Variants in EPHA8 observed in about 807,000 individuals in gnomAD.
EPHA8 encodes ephrin type-A receptor 8.
Under a neutral mutation model 103.6 loss-of-function variants are expected in EPHA8, and 58 were observed. The ratio of observed to expected loss-of-function variants is 0.56; its 90% CI spans 0.45 to 0.70. The LOEUF is 0.70. Ranked by LOEUF, EPHA8 falls within the 30% of genes least tolerant of loss-of-function variation. The pLI is 0.00. For missense variants in EPHA8, 1,304 were observed against 1,395.2 expected, an observed-to-expected ratio of 0.93 and a Z score of 1.04; for synonymous variants, 559 against 572.5, an observed-to-expected ratio of 0.98 and a Z score of 0.34.
At position 22,601,956 on chromosome 1, in the gene EPHA8, G is replaced by A. The variant is rs890224697; in HGVS notation, c.*215G>A. The A allele has an allele frequency of 2.4e-5, 14 of 592,366 alleles. 1 individual carries two copies. The highest frequency in any genetic ancestry group is 2.3e-5 in the Non-Finnish European group (8 of 340,626). The allele number at this position is 592,366 out of a possible 1,614,324, so 36.7% of individuals were successfully genotyped here. On this transcript the variant is annotated 3_prime_UTR_variant, in exon 17 of 17. Coordinates refer to ENST00000166244, the MANE Select transcript of EPHA8 (RefSeq NM_020526.5). Reference sequence around the variant, plus strand: ...GGTGGCCACCCTGGTGAGGACACCTGTCCCCCAGGGCAGGCACCTTCTCTT... The same window carrying A: ...GGTGGCCACCCTGGTGAGGACACCTATCCCCCAGGGCAGGCACCTTCTCTT...
At position 22,601,804 on chromosome 1, in the gene EPHA8, A is replaced by T; in HGVS notation, c.*63A>T. On this transcript the variant is annotated 3_prime_UTR_variant, in exon 17 of 17. Transcript: ENST00000166244. ...CCCCAGGTCATGCCAGCGGCAGAGGACGTGAGGGGCTGGCAGCAGGCAGGG... is the reference window on the plus strand; with the variant it reads ...CCCCAGGTCATGCCAGCGGCAGAGGTCGTGAGGGGCTGGCAGCAGGCAGGG... The T allele has an allele frequency of 6.8e-7, 1 of 1,464,730 alleles. No individual in the cohort carries two copies. The highest frequency in any genetic ancestry group is 9.3e-7 in the Non-Finnish European group (1 of 1,078,688). 90.7% of individuals were successfully genotyped at this position (1,464,730 alleles called of 1,614,324 possible).
At position 22,597,875 on chromosome 1, in the gene EPHA8, A is replaced by G. The variant is rs1183115746; in HGVS notation, c.2116+14A>G. ...TCGTCACCCGTGGTAGGTGCCGGGCAAAGACAGCCTCCCCCTGCAGTGCCC... is the reference window on the plus strand; with the variant it reads ...TCGTCACCCGTGGTAGGTGCCGGGCGAAGACAGCCTCCCCCTGCAGTGCCC... On this transcript the variant is annotated intron_variant, in intron 11 of 16. Coordinates refer to ENST00000166244, the MANE Select transcript of EPHA8 (RefSeq NM_020526.5). The surrounding 1 kb of genome is among the most constrained non-coding windows in gnomAD (Gnocchi z 4.6). 4 of 1,598,804 alleles carry G rather than the reference A, an allele frequency of 2.5e-6. No individual in the cohort carries two copies. The highest frequency in any genetic ancestry group is 2.6e-6 in the Non-Finnish European group (3 of 1,171,742).
Position 22,600,891 on chromosome 1 carries a change from C to T in EPHA8, c.2539-7C>T, listed in dbSNP as rs551727429. The T allele has an allele frequency of 1.8e-5, 29 of 1,600,444 alleles. 1 individual carries two copies. The Admixed American group carries it at 4.4e-4, about 24-fold the overall frequency. ...GGACGGCTGAGCCCAGCGCTGATCC[C>T]CTGCAGGTCATCAGCTCTGTGGAGG... On this transcript the variant is annotated splice_region_variant and splice_polypyrimidine_tract_variant and intron_variant, in intron 14 of 16. Transcript: ENST00000166244.
intron 3 of EPHA8, among the ~76,000 whole-genome samples, chr1:22,582,854 G>A (rs1412480118): frequency 6.6e-6 from 1 of 152,236 alleles, no homozygotes; most frequent in East Asian, 1.9e-4. Flanking sequence ...CTGTCACCTG[G>A]ACGCAGAATA....
intron 2 of EPHA8, among the ~76,000 whole-genome samples, chr1:22,574,677 T>A (rs1640634725): frequency 1.3e-5 from 2 of 152,252 alleles, no homozygotes; most frequent in South Asian, 4.1e-4. Context: ...ATTTTGCTTA[T>A]CTACTGGTTC....
intron 2 of EPHA8, among the ~76,000 whole-genome samples, chr1:22,574,926 T>A (rs1002510613): frequency 2.6e-5 from 4 of 152,206 alleles, no homozygotes; most frequent in Admixed American, 2.6e-4. Flanking sequence ...GGGTTCTAAT[T>A]TCTCCACATC....
chr1:22,601,524 G>GGA (rs1641734016), intron 16 of EPHA8, 51 bp downstream of exon 16: 2 of 1,596,540 alleles, frequency 1.3e-6, no homozygotes, highest in African/African-American at 1.3e-5. Flanking sequence ...CAGGGGGGGG[G>GGA]ACCCCTGCCG....
chr1:22,571,780 T>C (rs1294977312), intron 2 of EPHA8, among the ~76,000 whole-genome samples: 3 of 152,174 alleles, frequency 2.0e-5, no homozygotes, highest in African/African-American at 7.2e-5. Context: ...CCAGGCATGG[T>C]GGCTCACACC....
chr1:22,594,915 A>G (rs1641474708), intron 7 of EPHA8, among the ~76,000 whole-genome samples: 1 of 152,190 alleles, frequency 6.6e-6, no homozygotes, highest in African/African-American at 2.4e-5. Context: ...CACTGTCAGG[A>G]TAACAGGGAG....
At position 22,589,210 on chromosome 1, in the gene EPHA8, G is replaced by A. The variant is rs1366774836; in HGVS notation, c.1315+4G>A. ...AACATCACCACGAACCAGGCAGGTA[G>A]GCGGAGAAACTCCGTCCCGCAGCGT... On this transcript the variant is annotated splice_donor_region_variant and intron_variant, in intron 5 of 16. Transcript: ENST00000166244. The surrounding 1 kb of genome is among the most constrained non-coding windows in gnomAD (Gnocchi z 4.3). 6.2e-7 allele frequency: 1 copy of A among 1,613,840 alleles called. No homozygotes were observed. Among genetic ancestry groups the A allele is most frequent in the East Asian group, 2.2e-5 (1 of 44,902 alleles).
At chr1:22,568,736 G>A (rs903098746) in intron 1 of EPHA8, among the ~76,000 whole-genome samples, 1 of 152,234 alleles carries the variant, frequency 6.6e-6, no homozygotes, top group Non-Finnish European at 1.5e-5. Context: ...GGGGGAACAG[G>A]GTGATTATGA....
intron 5 of EPHA8, among the ~76,000 whole-genome samples, chr1:22,591,397 T>C (rs1301434454): frequency 6.7e-6 from 1 of 149,708 alleles, no homozygotes; most frequent in Admixed American, 6.7e-5. Flanking sequence ...GATTTTTTTT[T>C]TTTTGTAGAG....
chr1:22,597,541 TG>T lies in EPHA8; in HGVS notation c.1930+70del. On this transcript the variant is annotated intron_variant, in intron 10 of 16. Coordinates refer to ENST00000166244, the MANE Select transcript of EPHA8 (RefSeq NM_020526.5). This position sits in a 1 kb window ranked among gnomAD's most constrained non-coding sequence, Gnocchi z 4.6. The stretch of plus-strand genomic sequence containing the variant: ...CAAGGTGGGGGCACCCAGGGCAAGG[TG>T]GGGGCACCCAGGGCAGAGGGAGCGT... 1 of 1,579,206 alleles carries T rather than the reference TG, an allele frequency of 6.3e-7. No individual in the cohort carries two copies. Among genetic ancestry groups the T allele is most frequent in the Non-Finnish European group, 8.6e-7 (1 of 1,161,244 alleles).
intron 7 of EPHA8, among the ~76,000 whole-genome samples, chr1:22,594,966 C>T (rs1175586794): frequency 2.0e-5 from 3 of 152,190 alleles, no homozygotes; most frequent in African/African-American, 4.8e-5. Flanking sequence ...GACTCTTCTC[C>T]GGTACCACAG....
intron 4 of EPHA8, 120 bp downstream of exon 4, chr1:22,586,755 T>A: frequency 2.3e-6 from 3 of 1,311,936 alleles, no homozygotes; most frequent in African/African-American, 1.6e-5. Context: ...CGGGTGGCTC[T>A]CTTGAGCCAG....
rs772381666 is a variant in EPHA8, at chr1:22,589,162, A to AGCCCCGC, written c.1272_1278dup (p.Arg427AlafsTer50). 2.3e-5 allele frequency: 37 copies of AGCCCCGC among 1,613,840 alleles called. No individual in the cohort carries two copies. Among genetic ancestry groups the AGCCCCGC allele is most frequent in the Non-Finnish European group, 3.1e-5 (36 of 1,179,978 alleles). On this transcript the variant is annotated frameshift_variant, in exon 5 of 17. Coordinates refer to ENST00000166244, the MANE Select transcript of EPHA8 (RefSeq NM_020526.5). LOFTEE classifies it high-confidence loss of function. This position sits in a 1 kb window ranked among gnomAD's most constrained non-coding sequence, Gnocchi z 4.3. ...AATGGCGTGTCCGACCTGAGCCCCGAGCCCCGCCGGGCCGCTGTGGTCAAC... is the reference window on the plus strand; with the variant it reads ...AATGGCGTGTCCGACCTGAGCCCCGAGCCCCGCGCCCCGCCGGGCCGCTGTGGTCAAC...
chr1:22,579,189 A>C (rs1395484278), intron 3 of EPHA8, among the ~76,000 whole-genome samples: 5 of 141,874 alleles, frequency 3.5e-5, no homozygotes, highest in African/African-American at 1.1e-4. Flanking sequence ...GTGTGCGTGA[A>C]TATATGTGTA....
At chr1:22,596,078 T>G (rs768337796) in intron 8 of EPHA8, 28 bp from the exon 9 acceptor site, 4 of 1,612,062 alleles carry the variant, frequency 2.5e-6, no homozygotes, top group Non-Finnish European at 3.4e-6. Flanking sequence ...TGGCCTGGCC[T>G]CAGGCAGGGC....
chr1:22,601,398 G>T lies in EPHA8; in HGVS notation c.2828G>T (p.Arg943Leu), dbSNP rs755260283. The change falls in exon 16 of 17, where the codon CGC (arginine) becomes CTC (leucine). Residue 943 changes from arginine (R) to leucine (L), a missense_variant. Physicochemically the swap from Arg to Leu is moderately radical, Grantham distance 102. Coordinates refer to ENST00000166244, the MANE Select transcript of EPHA8 (RefSeq NM_020526.5). Reference sequence around the variant, plus strand: ...GTGGGGGACTGGCTGGACTCCATCCGCATGGGCCGGTACCGAGACCACTTC... The same window carrying T: ...GTGGGGGACTGGCTGGACTCCATCCTCATGGGCCGGTACCGAGACCACTTC... ...LTVGDWLDSI[R>L]MGRYRDHFAA... 27 of 1,611,138 alleles carry T rather than the reference G, an allele frequency of 1.7e-5. No homozygotes were observed. The highest frequency in any genetic ancestry group is 1.5e-4 in the Admixed American group (9 of 59,842).
Sources: allele counts gnomAD v4.1 joint callset (sites outside exome capture counted in the v4.1 genomes callset), GRCh38; gene constraint gnomAD v4.1.1; non-coding constraint Gnocchi (gnomAD v3.1); transcripts MANE v1.5; gene names NCBI Gene and HGNC (gene_info 2026-07-23, HGNC 2026-07-21).